NAT1: variants seen among roughly 807,000 people sequenced by gnomAD.
NAT1 encodes arylamine N-acetyltransferase 1.
For synonymous variants in NAT1, 144 were observed against 122.6 expected, an observed-to-expected ratio of 1.17 and a Z score of -1.16; for missense variants, 400 against 339.2, an observed-to-expected ratio of 1.18 and a Z score of -1.41.
rs1000511784 is a variant in NAT1, at chr8:18,215,620, A to G, written c.-85-3791A>G. Among the ~76,000 whole-genome samples the G allele has an allele frequency of 1.3e-4, 20 of 151,252 alleles. No homozygotes were observed. The South Asian group carries it at 2.5e-3, about 19-fold the overall frequency. On this transcript the variant is annotated intron_variant, in intron 1 of 2. Coordinates refer to ENST00000307719, the MANE Select transcript of NAT1 (RefSeq NM_000662.8). ...GGTCCATAGCCCCAGATACCTGTACAATTTTTTTTTTCAGTTTATTTTTCT... is the reference window on the plus strand; with the variant it reads ...GGTCCATAGCCCCAGATACCTGTACGATTTTTTTTTTCAGTTTATTTTTCT...
At chr8:18,179,541 G>A (rs563520684) in intron 2 of NAT1, among the ~76,000 whole-genome samples, 144 of 152,290 alleles carry the variant, frequency 9.5e-4, no homozygotes, top group Non-Finnish European at 1.8e-3. Flanking sequence ...CTAAGAAATG[G>A]CGTATTGAAA....
chr8:18,220,083 G>A (rs950242877), intron 2 of NAT1, among the ~76,000 whole-genome samples: 3 of 152,126 alleles, frequency 2.0e-5, no homozygotes, highest in Non-Finnish European at 4.4e-5. Flanking sequence ...TACATACTCA[G>A]TACAAATTCT....
At chr8:18,179,960 A>G (rs1033237462) in intron 2 of NAT1, among the ~76,000 whole-genome samples, 4 of 152,200 alleles carry the variant, frequency 2.6e-5, no homozygotes, top group Non-Finnish European at 4.4e-5. Context: ...TAAGGCAACA[A>G]TAACTAATGG....
chr8:18,206,323 G>A (rs1201464386), upstream of NAT1, among the ~76,000 whole-genome samples: 1 of 152,148 alleles, frequency 6.6e-6, no homozygotes, highest in African/African-American at 2.4e-5. Context: ...CACTTTCAGT[G>A]CCTTCCCTTT....
chr8:18,191,029 G>T (rs1802962468), intron 2 of NAT1, among the ~76,000 whole-genome samples: 1 of 151,008 alleles, frequency 6.6e-6, no homozygotes, highest in Non-Finnish European at 1.5e-5. Flanking sequence ...TCACACCACT[G>T]TGCTTCTGCT....
At chr8:18,174,236 G>C (rs12680032) in intron 2 of NAT1, among the ~76,000 whole-genome samples, 22,704 of 152,208 alleles carry the variant, frequency 0.15, 2,007 homozygotes, top group South Asian at 0.29. Flanking sequence ...GTGAGGCAAG[G>C]CTGTTCAGTG....
At chr8:18,219,544 G>A in intron 2 of NAT1, 55 bp downstream of exon 2, 1 of 940,806 alleles carries the variant, frequency 1.1e-6, no homozygotes, top group Non-Finnish European at 1.6e-6. Flanking sequence ...CGTTCACTCT[G>A]CCTCCTTTAA....
intron 2 of NAT1, among the ~76,000 whole-genome samples, chr8:18,187,916 T>C (rs1802809191): frequency 6.9e-6 from 1 of 144,824 alleles, no homozygotes; most frequent in East Asian, 2.1e-4. Context: ...TCAATTTGTA[T>C]GCTATTATCT....
chr8:18,176,597 TG>T (rs200798206), intron 2 of NAT1, among the ~76,000 whole-genome samples: 15 of 123,676 alleles, frequency 1.2e-4, no homozygotes, highest in East Asian at 7.4e-4. Context: ...GCTGTTTTTT[TG>T]TTTTGTTTTG....
chr8:18,220,067 C>A (rs28359531), intron 2 of NAT1, among the ~76,000 whole-genome samples: 2,756 of 152,274 alleles, frequency 0.018, 48 homozygotes, highest in Middle Eastern at 0.085. Context: ...GCTTCTCTCT[C>A]TTCTTTACAT....
At chr8:18,216,596 G>A (rs1055123818) in intron 1 of NAT1, among the ~76,000 whole-genome samples, 1 of 152,104 alleles carries the variant, frequency 6.6e-6, no homozygotes, top group African/African-American at 2.4e-5. Flanking sequence ...TTATCCAGTG[G>A]CATCGCTTAT....
chr8:18,200,875 T>C (rs1803431583), intron 2 of NAT1: 2 of 152,102 alleles, frequency 1.3e-5, no homozygotes, highest in South Asian at 4.1e-4. Flanking sequence ...CTCCTGGAAG[T>C]CCATTTGTAG....
At chr8:18,211,852 A>G (rs754299950) in intron 1 of NAT1, among the ~76,000 whole-genome samples, 4 of 152,238 alleles carry the variant, frequency 2.6e-5, no homozygotes, top group Non-Finnish European at 5.9e-5. Flanking sequence ...AAACACAGAA[A>G]GAAAAGCCAC....
At chr8:18,214,645 C>T (rs1804448865) in intron 1 of NAT1, among the ~76,000 whole-genome samples, 1 of 152,026 alleles carries the variant, frequency 6.6e-6, no homozygotes, top group Non-Finnish European at 1.5e-5. Flanking sequence ...TGTTTTTTAG[C>T]TTCAATTTCT....
intron 2 of NAT1, among the ~76,000 whole-genome samples, chr8:18,199,177 G>C (rs896061764): frequency 1.3e-5 from 2 of 151,828 alleles, no homozygotes; most frequent in African/African-American, 4.8e-5. Context: ...AGCCAGGTGT[G>C]GTGGCGCACA....
intron 2 of NAT1, among the ~76,000 whole-genome samples, chr8:18,170,895 T>A (rs201280204): frequency 2.0e-5 from 1 of 51,076 alleles, no homozygotes; most frequent in African/African-American, 4.1e-5. Flanking sequence ...CTCTCTCTCC[T>A]TTTTTTTTTC....
intron 2 of NAT1, among the ~76,000 whole-genome samples, chr8:18,196,529 C>G (rs80055343): frequency 0.014 from 2,185 of 152,306 alleles, 58 homozygotes; most frequent in African/African-American, 0.05. Context: ...CTTAAACTAT[C>G]TCCACTCAAT....
intron 2 of NAT1, among the ~76,000 whole-genome samples, chr8:18,199,756 G>A (rs377640138): frequency 6.6e-6 from 1 of 152,254 alleles, no homozygotes; most frequent in African/African-American, 2.4e-5. Context: ...ACAATGAGTG[G>A]TTATTACAGC....
chr8:18,211,330 GCC>G (rs1360912674), intron 1 of NAT1: 5 of 152,194 alleles, frequency 3.3e-5, no homozygotes, highest in African/African-American at 9.7e-5. Flanking sequence ...CTGACATGAG[GCC>G]CACTACAATG....
Sources: allele counts gnomAD v4.1 joint callset (sites outside exome capture counted in the v4.1 genomes callset), GRCh38; gene constraint gnomAD v4.1.1; transcripts MANE v1.5; gene names NCBI Gene and HGNC (gene_info 2026-07-23, HGNC 2026-07-21).